CSMD1: variants seen among roughly 807,000 people sequenced by gnomAD.
CSMD1 encodes the protein CUB and Sushi multiple domains 1, also known as CUB and sushi domain-containing protein 1.
Under a neutral mutation model 417.5 loss-of-function variants are expected in CSMD1, and 213 were observed. The ratio of observed to expected loss-of-function variants is 0.51; its 90% confidence interval spans 0.46 to 0.57. The LOEUF (loss-of-function observed/expected upper bound fraction) is 0.57. Ranked by LOEUF, CSMD1 falls within the 20% of genes least tolerant of loss-of-function variation. The probability of loss-of-function intolerance (pLI) is 0.00; values close to 1 mark genes in which losing one functional copy is unlikely to be tolerated. For missense variants in CSMD1, 6,923 were observed against 4,529.7 expected (o/e 1.53, Z -15.17); for synonymous variants, 2,862 against 1,736.8 (o/e 1.65, Z -16.11).
chr8:4,307,572 G>A (rs759909584), intron 3 of CSMD1, among the ~76,000 whole-genome samples: 1 of 152,166 alleles, frequency 6.6e-6, no homozygotes, highest in African/African-American at 2.4e-5. Flanking sequence ...CTGCTTATCT[G>A]TGTTTACAGA....
chr8:4,884,930 C>T (rs752366715), intron 1 of CSMD1, among the ~76,000 whole-genome samples: 1 of 152,088 alleles, frequency 6.6e-6, no homozygotes, highest in Non-Finnish European at 1.5e-5. Context: ...GAAGCTTCAG[C>T]TTAACTGAAG....
intron 5 of CSMD1, among the ~76,000 whole-genome samples, chr8:3,887,959 A>T (rs1367139074): frequency 1.3e-5 from 2 of 152,232 alleles, no homozygotes; most frequent in Non-Finnish European, 2.9e-5. Context: ...ACTTAAGAAA[A>T]CAGAGAAAAC....
intron 26 of CSMD1, among the ~76,000 whole-genome samples, chr8:3,277,197 G>T (rs144421400): frequency 6.6e-6 from 1 of 152,150 alleles, no homozygotes; most frequent in Non-Finnish European, 1.5e-5. Context: ...TTGCTTAGGG[G>T]AAGTTTTCAG....
intron 23 of CSMD1, among the ~76,000 whole-genome samples, chr8:3,335,249 A>G (rs17080038): frequency 0.13 from 19,599 of 152,138 alleles, 1,849 homozygotes; most frequent in African/African-American, 0.26. Flanking sequence ...TGTGTTACGA[A>G]TTCACAGTTC....
chr8:3,456,094 G>A (rs768506645), intron 12 of CSMD1, among the ~76,000 whole-genome samples: 66 of 152,284 alleles, frequency 4.3e-4, no homozygotes, highest in Admixed American at 7.2e-4. Flanking sequence ...CTTCATGGGC[G>A]TAGGACCCTC....
intron 3 of CSMD1, among the ~76,000 whole-genome samples, chr8:4,409,256 T>A (rs937924677): frequency 2.0e-5 from 3 of 152,226 alleles, no homozygotes; most frequent in African/African-American, 7.2e-5. Flanking sequence ...ACTTACATAC[T>A]TCCTACTTAT....
intron 3 of CSMD1, among the ~76,000 whole-genome samples, chr8:4,106,933 G>A (rs1380474740): frequency 6.6e-6 from 1 of 152,148 alleles, no homozygotes; most frequent in Non-Finnish European, 1.5e-5. Context: ...ACCAAAACGC[G>A]TTGTGGTTCT....
chr8:2,938,854 G>C, intron 69 of CSMD1, 110 bp from the exon 70 acceptor site: 1 of 938,654 alleles, frequency 1.1e-6, no homozygotes, highest in Admixed American at 2.7e-5. Context: ...AGTATAGCCA[G>C]GACGTTTGCA....
At chr8:4,131,568 T>C (rs1458751309) in intron 3 of CSMD1, among the ~76,000 whole-genome samples, 1 of 152,182 alleles carries the variant, frequency 6.6e-6, no homozygotes, top group Non-Finnish European at 1.5e-5. Flanking sequence ...ATTTTTCTCA[T>C]ATATTGATAA....
Position 4,031,511 on chromosome 8 carries a change from C to G in CSMD1, c.610+394G>C, listed in dbSNP as rs1365860878. Among the ~76,000 whole-genome samples the G allele has an allele frequency of 3.3e-5, 5 of 152,260 alleles. No homozygotes were observed. In the East Asian group the frequency reaches 9.7e-4, roughly 30 times the overall value. On this transcript the variant is annotated intron_variant, in intron 4 of 69. Coordinates refer to ENST00000635120, the MANE Select transcript of CSMD1 (RefSeq NM_033225.6). ...TGATTCAATTACCTTCTACCAGGTT[C>G]CTCCCACAACATGTGGGAATTGTGG... is the stretch of plus-strand genomic sequence containing the variant.
At chr8:3,851,818 G>A (rs1453916763) in intron 5 of CSMD1, among the ~76,000 whole-genome samples, 1 of 152,176 alleles carries the variant, frequency 6.6e-6, no homozygotes, top group Non-Finnish European at 1.5e-5. Context: ...TTCTAAGGAT[G>A]AGAGACTGAG....
chr8:3,703,990 G>C (rs1026399998), intron 7 of CSMD1, among the ~76,000 whole-genome samples: 1 of 152,170 alleles, frequency 6.6e-6, no homozygotes, highest in Non-Finnish European at 1.5e-5. Context: ...AGAATCACAT[G>C]AACCCGGGAG....
At chr8:3,197,194 G>A (rs7005478) in intron 33 of CSMD1, among the ~76,000 whole-genome samples, 32,738 of 152,008 alleles carry the variant, frequency 0.22, 3,726 homozygotes, top group South Asian at 0.31. Context: ...TGGAGGGTGG[G>A]AAGCAGAAGG....
intron 26 of CSMD1, among the ~76,000 whole-genome samples, chr8:3,265,219 A>C (rs116423485): frequency 6.6e-6 from 1 of 152,234 alleles, no homozygotes; most frequent in South Asian, 2.1e-4. Context: ...GCACAGACAC[A>C]TAACGAAGAA....
intron 4 of CSMD1, among the ~76,000 whole-genome samples, chr8:4,021,358 G>A (rs2688354): frequency 0.41 from 62,690 of 152,042 alleles, 14,023 homozygotes; most frequent in South Asian, 0.63. Flanking sequence ...CACATTTTCC[G>A]TGTCGCATCT....
At chr8:3,311,821 A>G (rs576991012) in intron 23 of CSMD1, among the ~76,000 whole-genome samples, 138 of 152,298 alleles carry the variant, frequency 9.1e-4, no homozygotes, top group African/African-American at 3.1e-3. Context: ...GACATGTGTA[A>G]TAACATTCAT....
intron 1 of CSMD1, among the ~76,000 whole-genome samples, chr8:4,839,302 C>G (rs748608667): frequency 1.3e-5 from 2 of 152,130 alleles, no homozygotes; most frequent in Admixed American, 1.3e-4. Context: ...TTATAGCAGA[C>G]AGAAGGGACA....
chr8:4,262,999 T>C (rs1585120381), intron 3 of CSMD1, among the ~76,000 whole-genome samples: 1 of 152,216 alleles, frequency 6.6e-6, no homozygotes, highest in Non-Finnish European at 1.5e-5. Context: ...TTTAGCTCAG[T>C]CACTAATTCT....
intron 11 of CSMD1, among the ~76,000 whole-genome samples, chr8:3,473,459 A>C (rs1414983057): frequency 6.6e-6 from 1 of 152,164 alleles, no homozygotes; most frequent in African/African-American, 2.4e-5. Flanking sequence ...TTATTTTATA[A>C]TTATTTAAAA....
Sources: gnomAD v4.1 joint callset for allele counts (sites outside exome capture counted in the v4.1 genomes callset) on GRCh38, gnomAD v4.1.1 for gene constraint, MANE v1.5 for transcripts, NCBI Gene and HGNC (gene_info 2026-07-23, HGNC 2026-07-21) for gene names.